COX7B2: variants seen among roughly 807,000 people sequenced by gnomAD.
COX7B2 encodes the protein cytochrome c oxidase subunit 7B2, mitochondrial.
For missense variants in COX7B2, 109 were observed against 95.9 expected (o/e 1.14, Z -0.57); for synonymous variants, 37 against 32.1 (o/e 1.15, Z -0.51).
At chr4:46,810,293 C>T (rs1002447312) in intron 2 of COX7B2, among the ~76,000 whole-genome samples, 1 of 151,992 alleles carries the variant, frequency 6.6e-6, no homozygotes, top group Non-Finnish European at 1.5e-5. Context: ...TACATAGGGA[C>T]TTGCTACTGC....
At chr4:46,761,990 A>G (rs896481488) in intron 2 of COX7B2, among the ~76,000 whole-genome samples, 1 of 151,606 alleles carries the variant, frequency 6.6e-6, no homozygotes, top group East Asian at 1.9e-4. Context: ...TTGTGTGTAC[A>G]GGATCTCATA....
rs954092917 is a variant in COX7B2, at chr4:46,771,548, AT to A, written c.-49-36308del. ...GGACCAGAGGTGTTACAGATTTCAG[AT>A]TTTTTTTTTTATTTGGAATAGTTGC... On this transcript the variant is annotated intron_variant, in intron 2 of 2. Coordinates refer to ENST00000355591, the MANE Select transcript of COX7B2 (RefSeq NM_130902.3). 4.7e-3 allele frequency among the ~76,000 whole-genome samples: 700 copies of A among 148,314 alleles called. 4 individuals carry two copies. The highest frequency in any genetic ancestry group is 0.015 in the African/African-American group (604 of 40,660).
At chr4:46,839,670 C>A (rs1301051937) in intron 2 of COX7B2, among the ~76,000 whole-genome samples, 1 of 152,026 alleles carries the variant, frequency 6.6e-6, no homozygotes, top group South Asian at 2.1e-4. Flanking sequence ...TCTGTCAATT[C>A]TCAGGCTTTT....
intron 2 of COX7B2, among the ~76,000 whole-genome samples, chr4:46,763,585 A>G (rs1246331413): frequency 6.6e-6 from 1 of 151,980 alleles, no homozygotes; most frequent in African/African-American, 2.4e-5. Flanking sequence ...TTTTTTCATC[A>G]CGCTTATTTA....
chr4:46,855,720 T>C (rs1215418527), intron 1 of COX7B2, among the ~76,000 whole-genome samples: 1 of 152,182 alleles, frequency 6.6e-6, no homozygotes, highest in African/African-American at 2.4e-5. Flanking sequence ...GATATTAAGA[T>C]ACTTTAACAT....
At chr4:46,783,783 GGAAGAAAAGAAAGAA>G (rs1350915237) in intron 2 of COX7B2, among the ~76,000 whole-genome samples, 1 of 152,070 alleles carries the variant, frequency 6.6e-6, no homozygotes, top group Non-Finnish European at 1.5e-5. Context: ...GAAGAAACAA[GGAAGAAAAGAAAGAA>G]GAAGAAAAGA....
In COX7B2 at chr4:46,900,426, G is replaced by A. The variant is rs1720010059; in HGVS notation, c.-105+8734C>T. On this transcript the variant is annotated intron_variant, in intron 1 of 2. Transcript: ENST00000355591. ...GTTTTTTCTTGTTCTCACATGGGTA[G>A]TTTGGCTTCTTGAGTAGAACAACTG... Among the ~76,000 whole-genome samples the A allele has an allele frequency of 2.0e-5, 3 of 152,254 alleles. No homozygotes were observed. The South Asian group carries it at 6.2e-4, about 32-fold the overall frequency.
In COX7B2 at chr4:46,897,802, A is replaced by C. The variant is rs1719850324; in HGVS notation, c.-105+11358T>G. Among the ~76,000 whole-genome samples the C allele has an allele frequency of 1.3e-5, 2 of 152,096 alleles. 1 individual carries two copies. Among genetic ancestry groups the C allele is most frequent in the South Asian group, 4.2e-4 (2 of 4,816 alleles). The stretch of plus-strand genomic sequence containing the variant: ...GATCAGGTCCCCCACTAAACACCTC[A>C]CCCCTACCCTGGGTAATATTTTAAA... On this transcript the variant is annotated intron_variant, in intron 1 of 2. Transcript: ENST00000355591.
In COX7B2 at chr4:46,805,850, A is replaced by G. The variant is rs549921681; in HGVS notation, c.-50+39110T>C. 1.8e-4 allele frequency among the ~76,000 whole-genome samples: 28 copies of G among 152,302 alleles called. 1 individual carries two copies. The highest frequency in any genetic ancestry group is 6.0e-4 in the African/African-American group (25 of 41,578). On this transcript the variant is annotated intron_variant, in intron 2 of 2. Transcript: ENST00000355591. ...GAACATCCATAGACATCTCTATGTA[A>G]CCTCTATATATTTAAAGACATGGGG...
At chr4:46,888,741 C>T (rs976845209) in intron 1 of COX7B2, among the ~76,000 whole-genome samples, 1 of 152,176 alleles carries the variant, frequency 6.6e-6, no homozygotes, top group Non-Finnish European at 1.5e-5. Context: ...CCACCGCGCC[C>T]AGCCTATGTT....
intron 2 of COX7B2, among the ~76,000 whole-genome samples, chr4:46,796,534 C>T (rs1451409050): frequency 8.6e-6 from 1 of 116,900 alleles, no homozygotes; most frequent in East Asian, 2.2e-4. Flanking sequence ...GTCAGTGTGG[C>T]GATTCCTCAG....
At chr4:46,871,725 G>A (rs1718004092) in intron 1 of COX7B2, among the ~76,000 whole-genome samples, 1 of 150,414 alleles carries the variant, frequency 6.6e-6, no homozygotes, top group African/African-American at 2.4e-5. Flanking sequence ...ACAACCATAT[G>A]AAAAAAAGCT....
chr4:46,773,114 T>TA (rs1321620271), intron 2 of COX7B2, among the ~76,000 whole-genome samples: 2 of 152,212 alleles, frequency 1.3e-5, no homozygotes, highest in East Asian at 3.8e-4. Context: ...GTCTATTTTT[T>TA]AACTGATTTT....
intron 1 of COX7B2, among the ~76,000 whole-genome samples, chr4:46,902,096 C>T (rs1234249037): frequency 6.6e-6 from 1 of 152,116 alleles, no homozygotes; most frequent in Non-Finnish European, 1.5e-5. Context: ...CCTAATACAT[C>T]TATGAGCAAT....
At chr4:46,801,096 T>A (rs1033479102) in intron 2 of COX7B2, among the ~76,000 whole-genome samples, 1 of 152,154 alleles carries the variant, frequency 6.6e-6, no homozygotes, top group African/African-American at 2.4e-5. Flanking sequence ...TAACAGACTC[T>A]GGCAAACCTA....
chr4:46,810,580 C>A (rs780094902), intron 2 of COX7B2, among the ~76,000 whole-genome samples: 1 of 151,954 alleles, frequency 6.6e-6, no homozygotes, highest in Admixed American at 6.5e-5. Context: ...CAATTTACAT[C>A]TTTTTCTATT....
intron 2 of COX7B2, among the ~76,000 whole-genome samples, chr4:46,748,685 C>A (rs1715169454): frequency 6.6e-6 from 1 of 152,142 alleles, no homozygotes; most frequent in Non-Finnish European, 1.5e-5. Context: ...CCAATTATTT[C>A]TTTCCTGGAA....
intron 1 of COX7B2, among the ~76,000 whole-genome samples, chr4:46,849,161 CA>C (rs1239351689): frequency 6.6e-6 from 1 of 152,062 alleles, no homozygotes; most frequent in East Asian, 1.9e-4. Context: ...CACACATACA[CA>C]CTTTATATGG....
At chr4:46,862,579 A>T (rs1485645255) in intron 1 of COX7B2, among the ~76,000 whole-genome samples, 1 of 152,216 alleles carries the variant, frequency 6.6e-6, no homozygotes, top group African/African-American at 2.4e-5. Context: ...AAAATTATGG[A>T]TAAAAATAGA....
Sources: gnomAD v4.1 joint callset for allele counts (sites outside exome capture counted in the v4.1 genomes callset) on GRCh38, gnomAD v4.1.1 for gene constraint, MANE v1.5 for transcripts, NCBI Gene and HGNC (gene_info 2026-07-23, HGNC 2026-07-21) for gene names.